The following SAMTOR variants were observed in gnomAD, a reference collection of about 807,000 sequenced individuals.
SAMTOR encodes S-adenosylmethionine sensor upstream of mTORC1.
chr7:112,939,475 G>T, the SAMTOR span: 9 of 1,483,464 alleles, frequency 6.1e-6, no homozygotes, highest in Non-Finnish European at 8.2e-6. Context: ...CAGCGGCTGG[G>T]GGGACGTGCA....
At chr7:112,861,792 G>A in the SAMTOR span, among the ~76,000 whole-genome samples, 55 of 152,176 alleles carry the variant, frequency 3.6e-4, no homozygotes, top group Non-Finnish European at 7.3e-5. Context: ...ATCTTCTGAA[G>A]ATATAAAGTC....
the SAMTOR span, among the ~76,000 whole-genome samples, chr7:112,880,654 C>T: frequency 6.6e-6 from 1 of 152,136 alleles, no homozygotes; most frequent in African/African-American, 2.4e-5. Context: ...CCTCCAGAGA[C>T]ATCTGGTATT....
chr7:112,914,091 A>G, the SAMTOR span, among the ~76,000 whole-genome samples: 1 of 152,158 alleles, frequency 6.6e-6, no homozygotes, highest in African/African-American at 2.4e-5. Flanking sequence ...AGTTAAATAC[A>G]TATTTTTCTC....
chr7:112,913,871 T>C, the SAMTOR span, among the ~76,000 whole-genome samples: 1 of 152,168 alleles, frequency 6.6e-6, no homozygotes, highest in Non-Finnish European at 1.5e-5. Context: ...ATTGTTTTAG[T>C]TTTCCTTGCT....
the SAMTOR span, among the ~76,000 whole-genome samples, chr7:112,833,461 C>T: frequency 2.6e-5 from 4 of 152,212 alleles, no homozygotes; most frequent in African/African-American, 9.6e-5. Context: ...GACCCTATGC[C>T]TAGTACATGG....
the SAMTOR span, among the ~76,000 whole-genome samples, chr7:112,873,181 A>T: frequency 2.0e-5 from 3 of 152,014 alleles, no homozygotes; most frequent in African/African-American, 4.8e-5. Flanking sequence ...CTATCAAATC[A>T]CCAATGTTAT....
At chr7:112,833,241 G>C in the SAMTOR span, among the ~76,000 whole-genome samples, 2 of 152,184 alleles carry the variant, frequency 1.3e-5, no homozygotes, top group African/African-American at 4.8e-5. Context: ...CAGAGTGAGA[G>C]TAAAAAACAA....
At chr7:112,902,360 G>A in the SAMTOR span, among the ~76,000 whole-genome samples, 1 of 141,924 alleles carries the variant, frequency 7.0e-6, no homozygotes, top group Non-Finnish European at 1.5e-5. Flanking sequence ...AGGTTGCGGT[G>A]AGCTGAGATC....
chr7:112,874,643 C>A, the SAMTOR span, among the ~76,000 whole-genome samples: 2 of 152,040 alleles, frequency 1.3e-5, no homozygotes, highest in South Asian at 2.1e-4. Context: ...AATAAAGCAA[C>A]CAAGAGTAAT....
chr7:112,937,462 C>CATCAGCACA, the SAMTOR span, among the ~76,000 whole-genome samples: 1 of 152,074 alleles, frequency 6.6e-6, no homozygotes, highest in Admixed American at 6.6e-5. Flanking sequence ...GACTGGGGAC[C>CATCAGCACA]ATCAGCACAA....
chr7:112,886,368 T>G, the SAMTOR span, among the ~76,000 whole-genome samples: 1 of 152,344 alleles, frequency 6.6e-6, no homozygotes, highest in Non-Finnish European at 1.5e-5. Flanking sequence ...GAATTAGTAT[T>G]ATCTTTCTGG....
At chr7:112,927,092 G>C in the SAMTOR span, among the ~76,000 whole-genome samples, 1 of 151,896 alleles carries the variant, frequency 6.6e-6, no homozygotes, top group Admixed American at 6.6e-5. Flanking sequence ...TGTTTTTATA[G>C]TATTTAAAAT....
At chr7:112,845,034 C>A in the SAMTOR span, among the ~76,000 whole-genome samples, 1 of 152,034 alleles carries the variant, frequency 6.6e-6, no homozygotes, top group Non-Finnish European at 1.5e-5. Context: ...CAGTGGCTGG[C>A]CCTATGCAGA....
chr7:112,853,295 T>C, the SAMTOR span, among the ~76,000 whole-genome samples: 1 of 152,128 alleles, frequency 6.6e-6, no homozygotes, highest in Non-Finnish European at 1.5e-5. Context: ...TTGGTATATA[T>C]AATGATGTAT....
At chr7:112,922,897 C>CG in the SAMTOR span, among the ~76,000 whole-genome samples, 3 of 142,500 alleles carry the variant, frequency 2.1e-5, no homozygotes, top group African/African-American at 8.0e-5. Context: ...CAGCCCCCCC[C>CG]CCCCGGGCCA....
At chr7:112,918,658 G>T in the SAMTOR span, among the ~76,000 whole-genome samples, 1 of 152,108 alleles carries the variant, frequency 6.6e-6, no homozygotes, top group African/African-American at 2.4e-5. Context: ...CTGGCAAATT[G>T]GATAAAGAGT....
At chr7:112,902,429 C>CAAAAAAAAAAAAAAAAAAA in the SAMTOR span, among the ~76,000 whole-genome samples, 2 of 58,616 alleles carry the variant, frequency 3.4e-5, no homozygotes, top group East Asian at 6.7e-4. Context: ...AAAAAAAAAA[C>CAAAAAAAAAAAAAAAAAAA]AAAAAAAAAC....
the SAMTOR span, among the ~76,000 whole-genome samples, chr7:112,897,425 A>T: frequency 6.6e-6 from 1 of 152,178 alleles, no homozygotes; most frequent in Non-Finnish European, 1.5e-5. Flanking sequence ...GATATTCAAA[A>T]GTTCTTGAGC....
At chr7:112,933,939 C>A in the SAMTOR span, among the ~76,000 whole-genome samples, 1 of 152,188 alleles carries the variant, frequency 6.6e-6, no homozygotes, top group African/African-American at 2.4e-5. Context: ...CCAAAACCAA[C>A]TGAAAATACT....
Sources: gnomAD v4.1 joint callset for allele counts (sites outside exome capture counted in the v4.1 genomes callset) on GRCh38, gnomAD v4.1.1 for gene constraint, MANE v1.5 for transcripts, NCBI Gene and HGNC (gene_info 2026-07-23, HGNC 2026-07-21) for gene names.